The following TNS1 variants were observed in gnomAD, a reference collection of about 807,000 sequenced individuals.
The protein encoded by TNS1 is tensin-1.
A neutral mutation model predicts 168.6 loss-of-function variants in TNS1; 62 were observed. That is an observed-to-expected ratio of 0.37 (90% CI 0.30 to 0.45). The LOEUF is 0.45. TNS1 is among the 20% of genes least tolerant of loss of function. TNS1 has a pLI of 1.00. For synonymous variants in TNS1, 934 were observed against 933.2 expected (o/e 1.00, Z -0.02); for missense variants, 2,240 against 2,339.4 (o/e 0.96, Z 0.88).
At chr2:217,835,940 G>T in intron 20 of TNS1, 75 bp downstream of exon 20, 1 of 1,335,704 alleles carries the variant, frequency 7.5e-7, no homozygotes, top group South Asian at 1.4e-5. Flanking sequence ...GTGCCAAGTT[G>T]ACCATCAGGT....
rs542656575 is a variant in TNS1, at chr2:218,033,789, G to A, written c.156+31C>T. ...CAACCGCCAGCTCCCGACTCGGGGCGTCGTCCCTCACCCATTCCCGCAGCC... is the reference window on the plus strand; with the variant it reads ...CAACCGCCAGCTCCCGACTCGGGGCATCGTCCCTCACCCATTCCCGCAGCC... On this transcript the variant is annotated intron_variant, in intron 1 of 1. Coordinates refer to the TNS1 transcript ENST00000649572. The surrounding 1 kb of genome is among the most constrained non-coding windows in gnomAD (Gnocchi z 4.3). Among the ~76,000 whole-genome samples, 1 of 152,292 alleles carries A rather than the reference G, an allele frequency of 6.6e-6. No homozygotes were observed. The highest frequency in any genetic ancestry group is 1.5e-5 in the Non-Finnish European group (1 of 68,018).
At chr2:217,844,534 C>T (rs530495748) in intron 19 of TNS1, among the ~76,000 whole-genome samples, 1 of 152,292 alleles carries the variant, frequency 6.6e-6, no homozygotes, top group South Asian at 2.1e-4. Flanking sequence ...TCTGTGCTCT[C>T]CTGTCTTCAC....
chr2:217,817,462 C>G (rs1479698629), intron 24 of TNS1, among the ~76,000 whole-genome samples: 6 of 152,122 alleles, frequency 3.9e-5, no homozygotes, highest in Non-Finnish European at 8.8e-5. Context: ...TTTTTATCAT[C>G]CTCATCTGTA....
intron 1 of TNS1, among the ~76,000 whole-genome samples, chr2:218,024,518 A>T (rs1574484065): frequency 6.6e-6 from 1 of 152,268 alleles, no homozygotes; most frequent in African/African-American, 2.4e-5. Context: ...GGCAGGGGAC[A>T]GTCTGGACTG....
chr2:217,939,915 G>A (rs941273807), intron 3 of TNS1, among the ~76,000 whole-genome samples: 9 of 152,254 alleles, frequency 5.9e-5, no homozygotes, highest in Admixed American at 5.2e-4. Context: ...AACCTGGGTA[G>A]AGGCTGCACT....
intron 8 of TNS1, among the ~76,000 whole-genome samples, 193 bp from the exon 9 acceptor site, chr2:217,895,249 T>G (rs1952169637): frequency 6.6e-6 from 1 of 152,200 alleles, no homozygotes; most frequent in Non-Finnish European, 1.5e-5. Flanking sequence ...GGAACAGCCA[T>G]GAGCTCCCTG....
At chr2:217,904,076 TTGG>T (rs1953360552) in intron 6 of TNS1, among the ~76,000 whole-genome samples, 1 of 152,178 alleles carries the variant, frequency 6.6e-6, no homozygotes, top group South Asian at 2.1e-4. Context: ...CAGCCAGAGA[TTGG>T]TGACCAACCT....
chr2:217,886,443 C>A, intron 13 of TNS1, 91 bp downstream of exon 13: 1 of 1,053,982 alleles, frequency 9.5e-7, no homozygotes, highest in South Asian at 1.4e-5. Flanking sequence ...CTCGGGCTGT[C>A]TGTTACTACC....
intron 3 of TNS1, among the ~76,000 whole-genome samples, chr2:217,940,110 A>G (rs1460847066): frequency 1.3e-5 from 2 of 152,104 alleles, no homozygotes; most frequent in Admixed American, 6.5e-5. Context: ...TTATGCCCAC[A>G]CCTCTGCATG....
intron 18 of TNS1, among the ~76,000 whole-genome samples, chr2:217,860,847 A>G (rs1948712123): frequency 6.6e-6 from 1 of 152,126 alleles, no homozygotes; most frequent in Non-Finnish European, 1.5e-5. Context: ...CCTGAACCTT[A>G]CTTTGGAAAA....
intron 19 of TNS1, among the ~76,000 whole-genome samples, chr2:217,840,281 G>A (rs1259768229): frequency 1.3e-5 from 2 of 152,250 alleles, no homozygotes; most frequent in African/African-American, 2.4e-5. Flanking sequence ...GAAGGAAGAG[G>A]TGATTCCCTG....
chr2:217,863,619 C>T (rs1020309907), intron 18 of TNS1, among the ~76,000 whole-genome samples: 6 of 152,154 alleles, frequency 3.9e-5, no homozygotes. Context: ...TGGGCCACTA[C>T]TTCACTGCTT....
intron 32 of TNS1, among the ~76,000 whole-genome samples, chr2:217,805,447 CACACCAT>C (rs1938356124): frequency 1.2e-5 from 1 of 82,760 alleles, no homozygotes; most frequent in African/African-American, 5.1e-5. Context: ...CACACACATA[CACACCAT>C]CACACACACC....
intron 6 of TNS1, 22 bp downstream of exon 6, chr2:217,906,310 CCTT>C (rs1953696198): frequency 5.6e-6 from 3 of 535,564 alleles, no homozygotes; most frequent in Admixed American, 2.3e-5. Flanking sequence ...CCAGCCCCAT[CCTT>C]CTTCTCCCCA....
chr2:217,865,963 T>C (rs1949235577), intron 18 of TNS1, among the ~76,000 whole-genome samples: 1 of 152,184 alleles, frequency 6.6e-6, no homozygotes. Flanking sequence ...TCATCCTACC[T>C]AGACAGATGC....
chr2:218,000,144 T>C (rs1049243827), intron 1 of TNS1, among the ~76,000 whole-genome samples: 1 of 152,166 alleles, frequency 6.6e-6, no homozygotes, highest in African/African-American at 2.4e-5. Context: ...GATGAGAAAA[T>C]CAAGTTATGC....
intron 3 of TNS1, among the ~76,000 whole-genome samples, chr2:217,943,670 T>C (rs1346665453): frequency 6.6e-6 from 1 of 152,228 alleles, no homozygotes; most frequent in Non-Finnish European, 1.5e-5. Context: ...GGTTGGCCTC[T>C]GAACAGCTTG....
At chr2:217,863,884 T>C (rs1426902280) in intron 18 of TNS1, among the ~76,000 whole-genome samples, 2 of 152,126 alleles carry the variant, frequency 1.3e-5, no homozygotes, top group Admixed American at 6.5e-5. Flanking sequence ...AGCAGCTGCA[T>C]ATGTGATGAA....
chr2:217,893,538 G>T lies in TNS1; in HGVS notation c.618C>A (p.Asp206Glu). ...TCTTCTCCAGGGCTGGGGTGTGGAG[G>T]TCGGGCCAGCCAAATTCCAGTACCT... ...HAKVLEFGWP[D>E]LHTPALEKIC... The change falls in exon 10 of 33, where the codon GAC becomes GAA. Residue 206 changes from aspartate (D) to glutamate (E), a missense_variant. Asp to Glu is a conservative substitution (Grantham distance 45). Around this residue, in one of 2 missense-constraint regions of TNS1, gnomAD observed 2,131 missense variants for 2,171.2 expected, o/e 0.98. Transcript: ENST00000682258. 2 of 1,612,234 alleles carry T rather than the reference G, an allele frequency of 1.2e-6. No individual in the cohort carries two copies. The highest frequency in any genetic ancestry group is 1.7e-6 in the Non-Finnish European group (2 of 1,179,318).
Sources: allele counts gnomAD v4.1 joint callset (sites outside exome capture counted in the v4.1 genomes callset), GRCh38; gene constraint gnomAD v4.1.1; regional missense constraint gnomAD v4.1.1; non-coding constraint Gnocchi (gnomAD v3.1); transcripts MANE v1.5; gene names NCBI Gene and HGNC (gene_info 2026-07-23, HGNC 2026-07-21).